Variants in FAT3 observed in about 807,000 individuals in gnomAD.
FAT3 encodes protocadherin Fat 3.
Under a neutral mutation model 310.2 loss-of-function variants are expected in FAT3, and 95 were observed. That is an observed-to-expected ratio of 0.31 (90% CI 0.26 to 0.36). FAT3 has a LOEUF of 0.36. FAT3 is among the 10% of genes least tolerant of loss of function. The pLI is 1.00. For synonymous variants in FAT3, 2,314 were observed against 2,192.9 expected (o/e 1.06, Z -1.54); for missense variants, 5,408 against 5,715.6 (o/e 0.95, Z 1.74).
At chr11:92,430,277 C>A (rs1361136781) in intron 2 of FAT3, among the ~76,000 whole-genome samples, 1 of 152,008 alleles carries the variant, frequency 6.6e-6, no homozygotes, top group Non-Finnish European at 1.5e-5. Context: ...GCAGTTCTTG[C>A]AACCTCTTAT....
At chr11:92,831,049 G>T (rs1948234533) in intron 13 of FAT3, among the ~76,000 whole-genome samples, 1 of 152,058 alleles carries the variant, frequency 6.6e-6, no homozygotes, top group Non-Finnish European at 1.5e-5. Context: ...CCTTCCATCT[G>T]TTCAGGAGCA....
chr11:92,588,379 G>T lies in FAT3; in HGVS notation c.3607+63431G>T, dbSNP rs576855022. On this transcript the variant is annotated intron_variant, in intron 3 of 27. Coordinates refer to ENST00000525166, the MANE Select transcript of FAT3 (RefSeq NM_001367949.2). Reference sequence around the variant, plus strand: ...GAGTGTGGTACATCCACTAAATCCAGTTACACATGTAACAGAATGTACTAT... The same window carrying T: ...GAGTGTGGTACATCCACTAAATCCATTTACACATGTAACAGAATGTACTAT... Among the ~76,000 whole-genome samples the T allele has an allele frequency of 2.0e-5, 3 of 151,942 alleles. No homozygotes were observed. In the South Asian group the frequency reaches 6.2e-4, roughly 32 times the overall value.
chr11:92,605,426 A>G (rs1940226867), intron 3 of FAT3, among the ~76,000 whole-genome samples: 1 of 152,174 alleles, frequency 6.6e-6, no homozygotes, highest in Non-Finnish European at 1.5e-5. Flanking sequence ...CCATGAACAT[A>G]GAAGAACAGT....
chr11:92,890,137 A>T (rs368850169), intron 27 of FAT3, among the ~76,000 whole-genome samples: 2 of 151,504 alleles, frequency 1.3e-5, no homozygotes, highest in African/African-American at 4.9e-5. Flanking sequence ...CAGCTGATGG[A>T]CCTCTCTGCA....
chr11:92,403,609 G>A (rs1003838696), intron 2 of FAT3, among the ~76,000 whole-genome samples: 1 of 152,164 alleles, frequency 6.6e-6, no homozygotes. Context: ...TACAGAGGTG[G>A]AGCTTATTTC....
At chr11:92,853,138 G>T (rs190776201) in intron 19 of FAT3, among the ~76,000 whole-genome samples, 265 of 152,368 alleles carry the variant, frequency 1.7e-3, no homozygotes, top group Middle Eastern at 3.4e-3. Context: ...GTAGTGAGGG[G>T]TGTGTGGGCC....
At chr11:92,539,552 A>G (rs1019633416) in intron 3 of FAT3, among the ~76,000 whole-genome samples, 2 of 152,292 alleles carry the variant, frequency 1.3e-5, no homozygotes, top group East Asian at 3.9e-4. Context: ...GAGGAACACA[A>G]AAAACAGGAA....
intron 4 of FAT3, among the ~76,000 whole-genome samples, chr11:92,702,318 C>T (rs191920294): frequency 2.6e-4 from 40 of 152,216 alleles, no homozygotes; most frequent in African/African-American, 8.9e-4. Context: ...CATTAAGAGA[C>T]GTTATTTCAC....
At chr11:92,408,576 C>T (rs1160260335) in intron 2 of FAT3, among the ~76,000 whole-genome samples, 1 of 152,182 alleles carries the variant, frequency 6.6e-6, no homozygotes, top group African/African-American at 2.4e-5. Context: ...AGTGAACACT[C>T]ACCAAATGCC....
At chr11:92,794,943 G>T (rs1947131216) in intron 9 of FAT3, among the ~76,000 whole-genome samples, 1 of 152,202 alleles carries the variant, frequency 6.6e-6, no homozygotes, top group Admixed American at 6.5e-5. Flanking sequence ...TGAAGCAAAT[G>T]ACAAATGGCT....
chr11:92,323,908 G>A (rs971885118), intron 1 of FAT3, among the ~76,000 whole-genome samples: 1 of 152,194 alleles, frequency 6.6e-6, no homozygotes, highest in Non-Finnish European at 1.5e-5. Flanking sequence ...AGATGAAACT[G>A]ATTTTCAAAT....
At chr11:92,637,822 A>G (rs1301146098) in intron 3 of FAT3, among the ~76,000 whole-genome samples, 3 of 152,210 alleles carry the variant, frequency 2.0e-5, no homozygotes, top group African/African-American at 4.8e-5. Context: ...ATTCTAAATA[A>G]TGACATCCCT....
chr11:92,872,396 A>G (rs1259408000), intron 22 of FAT3, among the ~76,000 whole-genome samples: 1 of 152,212 alleles, frequency 6.6e-6, no homozygotes, highest in Non-Finnish European at 1.5e-5. Context: ...TGCTCCACCC[A>G]CTGGCTTACT....
At chr11:92,574,197 G>A (rs1938342221) in intron 3 of FAT3, among the ~76,000 whole-genome samples, 2 of 152,148 alleles carry the variant, frequency 1.3e-5, no homozygotes, top group African/African-American at 2.4e-5. Flanking sequence ...ATGGTCTTTG[G>A]TGGACAAAGT....
intron 4 of FAT3, among the ~76,000 whole-genome samples, chr11:92,697,961 TA>T (rs1484968706): frequency 6.6e-6 from 1 of 152,166 alleles, no homozygotes; most frequent in Non-Finnish European, 1.5e-5. Flanking sequence ...AAATCAACTC[TA>T]AAAGTGTTAT....
At chr11:92,781,965 G>T (rs1946765425) in intron 7 of FAT3, among the ~76,000 whole-genome samples, 1 of 152,116 alleles carries the variant, frequency 6.6e-6, no homozygotes, top group Non-Finnish European at 1.5e-5. Context: ...AGGGACTCAT[G>T]TGATTTTGTG....
In FAT3 at chr11:92,866,822, G is replaced by A. The variant is rs1162985866; in HGVS notation, c.11740G>A (p.Asp3914Asn). Residue 3914 changes from aspartate (D) to asparagine (N), a missense_variant, in exon 22 of 28, where the codon GAC becomes AAC. Transcript: ENST00000525166. The stretch of plus-strand genomic sequence containing the variant: ...GGGCATCTCGGGCCGTGCTGTCAAC[G>A]ACGGGAGCTGGCACTCGGTCTTCCT... ...ILGISGRAVN[D>N]GSWHSVFLEL... 2 of 1,613,924 alleles carry A rather than the reference G, an allele frequency of 1.2e-6. No homozygotes were observed. Among genetic ancestry groups the A allele is most frequent in the Admixed American group, 1.7e-5 (1 of 60,020 alleles).
chr11:92,304,651 T>A (rs368452508), intron 1 of FAT3, among the ~76,000 whole-genome samples: 1 of 152,122 alleles, frequency 6.6e-6, no homozygotes, highest in Admixed American at 6.6e-5. Flanking sequence ...CTGTTCTAAC[T>A]GGAAGGGCAT....
chr11:92,806,628 A>T (rs1947514861), intron 12 of FAT3, 113 bp downstream of exon 12: 1 of 869,584 alleles, frequency 1.1e-6, no homozygotes, highest in South Asian at 2.3e-5. Flanking sequence ...TCTTATAGGG[A>T]TGGAGGGAAA....
Sources: allele counts gnomAD v4.1 joint callset (sites outside exome capture counted in the v4.1 genomes callset), GRCh38; gene constraint gnomAD v4.1.1; transcripts MANE v1.5; gene names NCBI Gene and HGNC (gene_info 2026-07-23, HGNC 2026-07-21).